Variants in NT5E observed in about 807,000 individuals in gnomAD.
NT5E encodes the protein 5'-nucleotidase.
NT5E carries 53 observed loss-of-function variants against 55.1 expected under a neutral mutation model. The observed-to-expected ratio is 0.96, with a 90% CI of 0.77 to 1.21. The LOEUF is 1.21. NT5E is among the 50% of genes most tolerant of loss of function. NT5E has a pLI of 0.00. For missense variants in NT5E, 683 were observed against 724.3 expected (o/e 0.94, Z 0.65); for synonymous variants, 270 against 278.4 (o/e 0.97, Z 0.30).
At chr6:85,455,468 G>T (rs903507337) in intron 1 of NT5E, among the ~76,000 whole-genome samples, 1 of 152,190 alleles carries the variant, frequency 6.6e-6, no homozygotes, top group East Asian at 1.9e-4. Flanking sequence ...AGCATTTGGA[G>T]GTTCCTGGAG....
chr6:85,459,882 A>T (rs1769060021), intron 1 of NT5E, among the ~76,000 whole-genome samples: 1 of 152,234 alleles, frequency 6.6e-6, no homozygotes, highest in African/African-American at 2.4e-5. Context: ...CGATCAAAGA[A>T]TGAAGATATT....
At chr6:85,493,264 A>T (rs1418608263) in intron 8 of NT5E, among the ~76,000 whole-genome samples, 1 of 152,222 alleles carries the variant, frequency 6.6e-6, no homozygotes, top group Non-Finnish European at 1.5e-5. Context: ...ATTCTAGTGT[A>T]CACCCAGAGG....
In NT5E at chr6:85,492,130, G is replaced by C. The variant is rs769412349; in HGVS notation, c.1514G>C (p.Gly505Ala). The C allele has an allele frequency of 2.5e-6, 4 of 1,614,160 alleles. No homozygotes were observed. Among genetic ancestry groups the C allele is most frequent in the Non-Finnish European group, 3.4e-6 (4 of 1,180,006 alleles). ...VILPNFLANGGDGFQMIKDEL... is the reference protein window; with the variant it reads ...VILPNFLANGADGFQMIKDEL... ...CTCCCAAACTTCCTGGCCAATGGTG[G>C]AGATGGGTTCCAGATGATAAAAGAT... is the stretch of plus-strand genomic sequence containing the variant. The change falls in exon 8 of 9, where the codon GGA becomes GCA. Residue 505 changes from glycine (G) to alanine (A), a missense_variant. By Grantham distance (60) the Gly-to-Ala change is moderately conservative. Transcript: ENST00000257770.
chr6:85,463,385 A>G (rs1000356592), intron 1 of NT5E, among the ~76,000 whole-genome samples: 25 of 152,260 alleles, frequency 1.6e-4, no homozygotes, highest in African/African-American at 6.0e-4. Flanking sequence ...AAAGAGCATC[A>G]GAACATGATT....
intron 6 of NT5E, 117 bp from the exon 7 acceptor site, chr6:85,490,391 C>A: frequency 8.5e-7 from 1 of 1,177,570 alleles, no homozygotes; most frequent in Non-Finnish European, 1.3e-6. Flanking sequence ...GCTAATGATG[C>A]TCTATAAGCT....
intron 2 of NT5E, among the ~76,000 whole-genome samples, chr6:85,470,233 T>A (rs895953490): frequency 6.6e-6 from 1 of 152,168 alleles, no homozygotes; most frequent in Non-Finnish European, 1.5e-5. Context: ...ACAGAGCCAG[T>A]TGGAGGAACC....
intron 1 of NT5E, among the ~76,000 whole-genome samples, chr6:85,461,719 G>A (rs1266196049): frequency 6.6e-6 from 1 of 152,074 alleles, no homozygotes; most frequent in Non-Finnish European, 1.5e-5. Flanking sequence ...ACCCATTTCC[G>A]TCCTGCCCCA....
chr6:85,473,549 G>A (rs776315795), intron 3 of NT5E, among the ~76,000 whole-genome samples: 8 of 152,084 alleles, frequency 5.3e-5, no homozygotes, highest in Non-Finnish European at 7.4e-5. Flanking sequence ...ACTATGACCC[G>A]TAGTAAGAAG....
chr6:85,480,635 G>A (rs910003836), intron 3 of NT5E, among the ~76,000 whole-genome samples: 11 of 152,306 alleles, frequency 7.2e-5, no homozygotes, highest in East Asian at 3.9e-4. Context: ...TGCTGTGCTC[G>A]GAGGGGCTCT....
In NT5E at chr6:85,493,726, T is replaced by C. The variant is rs1163799437; in HGVS notation, c.1562-115T>C. 11 of 824,384 alleles carry C rather than the reference T, an allele frequency of 1.3e-5. No homozygotes were observed. The East Asian group carries it at 2.7e-4, about 21-fold the overall frequency. The allele number at this position is 824,384 out of a possible 1,614,324, so 51.1% of individuals were successfully genotyped here. On this transcript the variant is annotated intron_variant, in intron 8 of 8. Transcript: ENST00000257770. Reference sequence around the variant, plus strand: ...TGATCACTAGCGTTCTTGTCTTCTGTGACACTTTACCCCTGCTTATGAAAT... The same window carrying C: ...TGATCACTAGCGTTCTTGTCTTCTGCGACACTTTACCCCTGCTTATGAAAT...
chr6:85,471,333 A>G lies in NT5E; in HGVS notation c.659A>G (p.His220Arg), dbSNP rs746073157. 1.2e-6 allele frequency: 2 copies of G among 1,613,330 alleles called. No individual in the cohort carries two copies. Among genetic ancestry groups the G allele is most frequent in the South Asian group, 2.2e-5 (2 of 91,008 alleles). ...LNVNKIIALG[H>R]SGFEMDKLIA... ...GTGAACAAAATTATTGCACTGGGAC[A>G]TTCGGGTTTTGAAATGGATAAACTC... The change falls in exon 3 of 9, where the codon CAT becomes CGT. Residue 220 changes from histidine (H) to arginine (R), a missense_variant. Coordinates refer to ENST00000257770, the MANE Select transcript of NT5E (RefSeq NM_002526.4).
chr6:85,488,744 C>A (rs556007450), intron 5 of NT5E, among the ~76,000 whole-genome samples: 15 of 152,002 alleles, frequency 9.9e-5, no homozygotes, highest in African/African-American at 3.4e-4. Flanking sequence ...CCACACCCAG[C>A]TAATTTTTGT....
chr6:85,456,966 C>T (rs1460459830), intron 1 of NT5E, among the ~76,000 whole-genome samples: 2 of 152,188 alleles, frequency 1.3e-5, no homozygotes, highest in African/African-American at 4.8e-5. Flanking sequence ...GATAGTAGTG[C>T]ACATAATGTG....
chr6:85,450,169 G>A lies in NT5E; in HGVS notation c.30G>A (p.Ala10=). The A allele has an allele frequency of 1.3e-6, 2 of 1,599,136 alleles. No individual in the cohort carries two copies. The highest frequency in any genetic ancestry group is 1.1e-5 in the South Asian group (1 of 89,086). The change falls in exon 1 of 9, where the codon GCG becomes GCA. Residue 10 remains alanine (A), a synonymous_variant. Coordinates refer to ENST00000257770, the MANE Select transcript of NT5E (RefSeq NM_002526.4). This position sits in a 1 kb window ranked among gnomAD's most constrained non-coding sequence, Gnocchi z 4.0. ...GTCCCCGAGCCGCGCGGGCGCCCGCGACGCTACTCCTCGCCCTGGGCGCGG... is the reference window on the plus strand; with the variant it reads ...GTCCCCGAGCCGCGCGGGCGCCCGCAACGCTACTCCTCGCCCTGGGCGCGG... MCPRAARAP[A]TLLLALGAVL... is the part of the protein sequence containing the mutation.
chr6:85,485,245 T>G lies in NT5E; in HGVS notation c.762T>G (p.Pro254=), dbSNP rs1769625162. The G allele has an allele frequency of 5.0e-6, 8 of 1,614,036 alleles. No individual in the cohort carries two copies. Among genetic ancestry groups the G allele is most frequent in the Non-Finnish European group, 6.8e-6 (8 of 1,180,022 alleles). ...SNTFLYTGNP[P]SKEVPAGKYP... is the part of the protein sequence containing the mutation. ...GCTCTTTTATTTCAGGCAATCCACC[T>G]TCCAAAGAGGTGCCTGCTGGGAAGT... The change falls in exon 4 of 9, where the codon CCT becomes CCG. Residue 254 remains proline, a synonymous_variant. Coordinates refer to ENST00000257770, the MANE Select transcript of NT5E (RefSeq NM_002526.4).
In NT5E at chr6:85,493,838, T is replaced by C. The variant is rs769606867; in HGVS notation, c.1562-3T>C. The C allele has an allele frequency of 6.2e-7, 1 of 1,610,622 alleles. No individual in the cohort carries two copies. The highest frequency in any genetic ancestry group is 8.5e-7 in the Non-Finnish European group (1 of 1,176,906). On this transcript the variant is annotated splice_polypyrimidine_tract_variant and splice_region_variant and intron_variant, in intron 8 of 8. Coordinates refer to ENST00000257770, the MANE Select transcript of NT5E (RefSeq NM_002526.4). ...AGTTAAAATAATGTATATGTTTTTC[T>C]AGGTGACCAAGATATCAACGTGGTT...
At chr6:85,481,520 A>G (rs1769551104) in intron 3 of NT5E, among the ~76,000 whole-genome samples, 3 of 152,192 alleles carry the variant, frequency 2.0e-5, no homozygotes, top group Admixed American at 2.0e-4. Flanking sequence ...TTTAATCTCC[A>G]CAATAACTCT....
chr6:85,479,962 G>A (rs1769511953), intron 3 of NT5E, among the ~76,000 whole-genome samples: 1 of 152,122 alleles, frequency 6.6e-6, no homozygotes, highest in Non-Finnish European at 1.5e-5. Context: ...GTGAAGAGAA[G>A]AGGCTGGCAG....
At chr6:85,459,083 A>G (rs1769043870) in intron 1 of NT5E, among the ~76,000 whole-genome samples, 1 of 152,228 alleles carries the variant, frequency 6.6e-6, no homozygotes, top group African/African-American at 2.4e-5. Context: ...ATGTTGAGTG[A>G]TTGGCAACTG....
Sources: allele counts gnomAD v4.1 joint callset (sites outside exome capture counted in the v4.1 genomes callset), GRCh38; gene constraint gnomAD v4.1.1; non-coding constraint Gnocchi (gnomAD v3.1); transcripts MANE v1.5; gene names NCBI Gene and HGNC (gene_info 2026-07-23, HGNC 2026-07-21).